CTSK: variants seen among roughly 807,000 people sequenced by gnomAD.
CTSK encodes the protein cathepsin O.
Under a neutral mutation model 40.5 loss-of-function variants are expected in CTSK, and 26 were observed. The ratio of observed to expected loss-of-function variants is 0.64; its 90% CI spans 0.47 to 0.89. The LOEUF (loss-of-function observed/expected upper bound fraction) is 0.89. Among genes scored for constraint, CTSK ranks in the 40% least tolerant of loss-of-function variants. CTSK has a pLI of 0.00. For missense variants in CTSK, 292 were observed against 400.1 expected, an observed-to-expected ratio of 0.73 and a Z score of 2.30; for synonymous variants, 132 against 143.2, an observed-to-expected ratio of 0.92 and a Z score of 0.56.
At chr1:150,803,536 T>A (rs1468540102) in intron 5 of CTSK, among the ~76,000 whole-genome samples, 2 of 152,182 alleles carry the variant, frequency 1.3e-5, no homozygotes, top group Non-Finnish European at 2.9e-5. Flanking sequence ...GACTAGAGGA[T>A]CATGCAGGAG....
rs1418941229 is a variant in CTSK, at chr1:150,796,868, A to C, written c.921T>G (p.Tyr307Ter). 1 of 1,614,162 alleles carries C rather than the reference A, an allele frequency of 6.2e-7. No homozygotes were observed. Among genetic ancestry groups the C allele is most frequent in the Admixed American group, 1.7e-5 (1 of 60,022 alleles). Residue 307 changes from tyrosine to a stop codon, truncating the protein, a stop_gained, in exon 8 of 8, where the codon TAT (tyrosine) becomes TAG (stop). Transcript: ENST00000271651. LOFTEE classifies it high-confidence loss of function. ...SWGENWGNKG[Y>*]ILMARNKNNA... ...TGTTCTTATTTCGAGCCATGAGGAT[A>C]TATCCTTTGTTTCCCCAGTTTTCTC...
chr1:150,799,144 C>T, intron 7 of CTSK, 24 bp downstream of exon 7: 4 of 1,465,970 alleles, frequency 2.7e-6, no homozygotes, highest in Non-Finnish European at 3.8e-6. Flanking sequence ...GACTGAATAA[C>T]AAAAGTAGTG....
At position 150,799,248 on chromosome 1, in the gene CTSK, A is replaced by G. The variant is rs747779756; in HGVS notation, c.810T>C (p.Asn270=). The G allele has an allele frequency of 1.2e-6, 2 of 1,612,902 alleles. No homozygotes were observed. The highest frequency in any genetic ancestry group is 1.7e-6 in the Non-Finnish European group (2 of 1,178,854). The change falls in exon 7 of 8, where the codon AAT becomes AAC. Residue 270 remains asparagine (N), a synonymous_variant. Coordinates refer to ENST00000271651, the MANE Select transcript of CTSK (RefSeq NM_000396.4). Reference sequence around the variant, plus strand: ...AAACTGCATGGTTCAGATTATCGCTATTGCAGCTTTCATCATAATACACAC... The same window carrying G: ...AAACTGCATGGTTCAGATTATCGCTGTTGCAGCTTTCATCATAATACACAC... ...SKGVYYDESC[N]SDNLNHAVLA...
intron 5 of CTSK, 88 bp from the exon 6 acceptor site, chr1:150,799,797 T>G: frequency 8.0e-7 from 1 of 1,248,662 alleles, no homozygotes; most frequent in South Asian, 1.2e-5. Context: ...TTTTGAGTGA[T>G]GCCAGTGAAC....
chr1:150,800,867 T>C (rs1439050476), intron 5 of CTSK: 1 of 152,248 alleles, frequency 6.6e-6, no homozygotes, highest in Non-Finnish European at 1.5e-5. Context: ...CAGCATTTGA[T>C]ATGCCATTTT....
intron 5 of CTSK, among the ~76,000 whole-genome samples, chr1:150,802,054 G>GACC (rs1654001118): frequency 6.8e-6 from 1 of 147,414 alleles, no homozygotes; most frequent in South Asian, 2.2e-4. Flanking sequence ...GAGGCGGGCG[G>GACC]ACCACCTGAG....
At chr1:150,807,041 C>A (rs1654111024) in intron 1 of CTSK, among the ~76,000 whole-genome samples, 1 of 146,090 alleles carries the variant, frequency 6.8e-6, no homozygotes, top group Admixed American at 7.0e-5. Flanking sequence ...ATTTAGGCAA[C>A]ACACACTCTC....
chr1:150,801,663 C>T (rs1301268691), intron 5 of CTSK, among the ~76,000 whole-genome samples: 4 of 151,652 alleles, frequency 2.6e-5, no homozygotes, highest in Admixed American at 2.6e-4. Context: ...CTCAGCCTCC[C>T]GAGTAGCTGG....
At chr1:150,808,023 T>G (rs1654155276) in intron 1 of CTSK, among the ~76,000 whole-genome samples, 191 bp downstream of exon 1, 1 of 152,184 alleles carries the variant, frequency 6.6e-6, no homozygotes, top group South Asian at 2.1e-4. Flanking sequence ...TGTATATATA[T>G]AAATCATACA....
At chr1:150,803,028 T>A (rs921724469) in intron 5 of CTSK, among the ~76,000 whole-genome samples, 1 of 152,228 alleles carries the variant, frequency 6.6e-6, no homozygotes, top group African/African-American at 2.4e-5. Flanking sequence ...ATTGCAGGTA[T>A]AAATTTTTCC....
rs1654113099 is a variant in CTSK, at chr1:150,807,070, TCTCTCTCTCTCACACA to T, written c.-1-280_-1-265del. On this transcript the variant is annotated intron_variant, in intron 1 of 7. Transcript: ENST00000271651. ...CACTCTCTCTGTTTCTCTCTCTGTC[TCTCTCTCTCTCACACA>T]CACACACACACACACACACACACAC... Among the ~76,000 whole-genome samples, 7 of 39,798 alleles carry T rather than the reference TCTCTCTCTCTCACACA, an allele frequency of 1.8e-4. No homozygotes were observed. The South Asian group carries it at 7.0e-3, about 40-fold the overall frequency. The allele number at this position is 39,798 out of a possible 152,430, so 26.1% of individuals were successfully genotyped here.
At chr1:150,799,795 G>T in intron 5 of CTSK, 86 bp from the exon 6 acceptor site, 1 of 1,252,080 alleles carries the variant, frequency 8.0e-7, no homozygotes, top group Non-Finnish European at 1.2e-6. Flanking sequence ...TATTTTGAGT[G>T]ATGCCAGTGA....
intron 7 of CTSK, 51 bp from the exon 8 acceptor site, chr1:150,796,949 T>G: frequency 1.6e-6 from 2 of 1,221,322 alleles, no homozygotes; most frequent in Non-Finnish European, 2.4e-6. Context: ...TATTTATTCA[T>G]TAAAATATTT....
At chr1:150,798,872 G>C (rs1398438626) in intron 7 of CTSK, among the ~76,000 whole-genome samples, 1 of 152,126 alleles carries the variant, frequency 6.6e-6, no homozygotes, top group Non-Finnish European at 1.5e-5. Flanking sequence ...AAGCTCTGAG[G>C]CCTCATCAGA....
chr1:150,797,833 G>A (rs1170383547), intron 7 of CTSK, among the ~76,000 whole-genome samples: 1 of 152,178 alleles, frequency 6.6e-6, no homozygotes, highest in East Asian at 1.9e-4. Flanking sequence ...TGAAAGAACA[G>A]GGTAAGTGCT....
Position 150,796,855 on chromosome 1 carries a change from G to C in CTSK, c.934C>G (p.Arg312Gly), listed in dbSNP as rs375958814. ...ATGCCACAGGCGTTGTTCTTATTTCGAGCCATGAGGATATATCCTTTGTTT... is the reference window on the plus strand; with the variant it reads ...ATGCCACAGGCGTTGTTCTTATTTCCAGCCATGAGGATATATCCTTTGTTT... ...WGNKGYILMA[R>G]NKNNACGIAN... Residue 312 changes from arginine to glycine, a missense_variant, in exon 8 of 8, where the codon CGA (arginine) becomes GGA (glycine). Physicochemically the swap from Arg to Gly is moderately radical, Grantham distance 125 (BLOSUM62 -2). Coordinates refer to ENST00000271651, the MANE Select transcript of CTSK (RefSeq NM_000396.4). 4 of 1,614,008 alleles carry C rather than the reference G, an allele frequency of 2.5e-6. No homozygotes were observed. The African/African-American group carries it at 4.0e-5, about 16-fold the overall frequency.
chr1:150,807,180 G>A (rs959531330), intron 1 of CTSK: 9 of 458,336 alleles, frequency 2.0e-5, no homozygotes, highest in East Asian at 6.5e-5. Context: ...GGCTCAGTGC[G>A]TTTCCTCCAG....
intron 4 of CTSK, among the ~76,000 whole-genome samples, chr1:150,805,209 C>CAA (rs587691920): frequency 3.7e-4 from 20 of 54,652 alleles, no homozygotes; most frequent in African/African-American, 9.1e-4. Context: ...GACGCTGTCT[C>CAA]AAAAAAAAAA....
chr1:150,803,248 G>C (rs1318868363), intron 5 of CTSK, among the ~76,000 whole-genome samples: 4 of 152,138 alleles, frequency 2.6e-5, no homozygotes, highest in African/African-American at 9.7e-5. Flanking sequence ...GAATTATACT[G>C]TCTTATCTCC....
Sources: gnomAD v4.1 joint callset for allele counts (sites outside exome capture counted in the v4.1 genomes callset) on GRCh38, gnomAD v4.1.1 for gene constraint, MANE v1.5 for transcripts, NCBI Gene and HGNC (gene_info 2026-07-23, HGNC 2026-07-21) for gene names.